DNHD1: variants seen among roughly 807,000 people sequenced by gnomAD.
DNHD1 encodes the protein dynein heavy chain domain-containing protein 1.
A neutral mutation model predicts 458.1 loss-of-function variants in DNHD1; 383 were observed. The ratio of observed to expected loss-of-function variants is 0.84; its 90% CI spans 0.77 to 0.91. The LOEUF is 0.91. Among genes scored for constraint, DNHD1 ranks in the 40% least tolerant of loss-of-function variants. The pLI, the probability that DNHD1 is intolerant of heterozygous loss-of-function variation, is 0.00. For missense variants in DNHD1, 5,336 were observed against 5,866.1 expected (o/e 0.91, Z 2.95); for synonymous variants, 2,203 against 2,376.9 (o/e 0.93, Z 2.13).
intron 39 of DNHD1, 101 bp downstream of exon 39, chr11:6,568,967 C>G (rs1853773551): frequency 7.4e-7 from 1 of 1,360,268 alleles, no homozygotes; most frequent in African/African-American, 1.5e-5. Context: ...TTTGGAAGCT[C>G]CAAAGAGCAA....
rs980380276 is a variant in DNHD1 at position 6,563,434 on chromosome 11, A to T, written c.9722A>T (p.Glu3241Val). The T allele has an allele frequency of 6.4e-7, 1 of 1,551,588 alleles. No individual in the cohort carries two copies. Among genetic ancestry groups the T allele is most frequent in the Non-Finnish European group, 8.7e-7 (1 of 1,146,984 alleles). ...PLSQLQVADF[E>V]EIRSYRAPPE... Reference sequence around the variant, plus strand: ...AGCCAGCTGCAGGTGGCTGACTTTGAGGAGATACGGAGCTATCGAGCACCA... The same window carrying T: ...AGCCAGCTGCAGGTGGCTGACTTTGTGGAGATACGGAGCTATCGAGCACCA... Residue 3241 changes from glutamate (E) to valine (V), a missense_variant, in exon 30 of 43, where the codon GAG (glutamate) becomes GTG (valine). Around this residue, in one of 4 missense-constraint regions of DNHD1, gnomAD observed 3,932 missense variants for 4,365.6 expected, o/e 0.90. Coordinates refer to ENST00000254579, the MANE Select transcript of DNHD1 (RefSeq NM_144666.3).
In DNHD1 at chr11:6,571,793, C is replaced by T; in HGVS notation, c.14069C>T (p.Ala4690Val). The T allele has an allele frequency of 6.2e-7, 1 of 1,614,002 alleles. No individual in the cohort carries two copies. The highest frequency in any genetic ancestry group is 8.5e-7 in the Non-Finnish European group (1 of 1,179,894). ...CCTCCCGTCAGCATCAGCACACAGG[C>T]CCCGGGCACCAGTGACCTGCCAGCC... ...PLPPVSISTQ[A>V]PGTSDLPAPA... The change falls in exon 43 of 43, where the codon GCC becomes GTC. Residue 4690 changes from alanine (A) to valine (V), a missense_variant. Physicochemically the swap from Ala to Val is moderately conservative, Grantham distance 64. Transcript: ENST00000254579. The surrounding 1 kb of genome is among the most constrained non-coding windows in gnomAD (Gnocchi z 5.0).
chr11:6,548,309 A>G lies in DNHD1; in HGVS notation c.7005A>G (p.Val2335=). ...CAGCCTTGGTGTTTGATCTACATGT[A>G]AGCCCTGAAGATGGAACACTGGTCC... ...PPSALVFDLH[V]SPEDGTLVPF... The change falls in exon 23 of 43, where the codon GTA becomes GTG. Residue 2335 remains valine, a synonymous_variant. Transcript: ENST00000254579. The surrounding 1 kb of genome is among the most constrained non-coding windows in gnomAD (Gnocchi z 4.4). 6.4e-7 allele frequency: 1 copy of G among 1,551,642 alleles called. No homozygotes were observed. Among genetic ancestry groups the G allele is most frequent in the Non-Finnish European group, 8.7e-7 (1 of 1,146,980 alleles).
At position 6,568,552 on chromosome 11, in the gene DNHD1, G is replaced by A; in HGVS notation, c.12637G>A (p.Ala4213Thr). 6.2e-7 allele frequency: 1 copy of A among 1,613,972 alleles called. No homozygotes were observed. Among genetic ancestry groups the A allele is most frequent in the Non-Finnish European group, 8.5e-7 (1 of 1,179,900 alleles). ...TTTTCGTCTTTGGCTTATTGTGCCT[G>A]CAGAGTCTAGTGCTTCTTTGCCAGG... Reference protein sequence around the residue: ...RDFRLWLIVPAESSASLPAVL... With the variant: ...RDFRLWLIVPTESSASLPAVL... Residue 4213 changes from alanine to threonine, a missense_variant, in exon 38 of 43, where the codon GCA (alanine) becomes ACA (threonine). Physicochemically the swap from Ala to Thr is moderately conservative, Grantham distance 58. Transcript: ENST00000254579.
Position 6,556,930 on chromosome 11 carries a change from T to C in DNHD1, c.7635T>C (p.Ala2545=). 1 of 1,551,728 alleles carries C rather than the reference T, an allele frequency of 6.4e-7. No individual in the cohort carries two copies. Among genetic ancestry groups the C allele is most frequent in the South Asian group, 1.2e-5 (1 of 84,058 alleles). ...AAAGACATGTGCCTATCATTCAGGC[T>C]TGGCTTGAGCGTTTCCCTTCTGTGG... ...LLERHVPIIQ[A]WLERFPSVER... The change falls in exon 25 of 43, where the codon GCT becomes GCC. Residue 2545 remains alanine (A), a synonymous_variant. Coordinates refer to ENST00000254579, the MANE Select transcript of DNHD1 (RefSeq NM_144666.3).
chr11:6,566,619 G>T lies in DNHD1; in HGVS notation c.11239G>T (p.Val3747Leu). The change falls in exon 35 of 43, where the codon GTG becomes TTG. Residue 3747 changes from valine to leucine, a missense_variant. Val to Leu is a conservative substitution (Grantham distance 32). Around this residue, in one of 4 missense-constraint regions of DNHD1, gnomAD observed 695 missense variants for 804.2 expected, o/e 0.86. Transcript: ENST00000254579. ...LGCELLKGLN[V>L]LDLGLNMEIL... ...TTGTGAACTGCTAAAGGGGCTGAAT[G>T]TGTTGGATCTGGGCCTGAACATGGA... The T allele has an allele frequency of 6.2e-7, 1 of 1,613,886 alleles. No homozygotes were observed. The highest frequency in any genetic ancestry group is 8.5e-7 in the Non-Finnish European group (1 of 1,179,854).
rs558634199 is a variant in DNHD1 at position 6,537,024 on chromosome 11, A to G, written c.2999-1359A>G. ...CAAAATGGATGATGTGCACATGTGT[A>G]AGATGCATGAGGCCCAGCATTTGGG... On this transcript the variant is annotated intron_variant, in intron 14 of 42. Transcript: ENST00000254579. Among the ~76,000 whole-genome samples, 4 of 152,340 alleles carry G rather than the reference A, an allele frequency of 2.6e-5. No individual in the cohort carries two copies. The South Asian group carries it at 6.2e-4, about 24-fold the overall frequency.
intron 10 of DNHD1, chr11:6,520,997 G>C: frequency 2.3e-6 from 1 of 431,808 alleles, no homozygotes; most frequent in Non-Finnish European, 3.1e-6. Context: ...AAAGGAACCT[G>C]TGTCTTTTAC....
At chr11:6,539,429 C>A in intron 17 of DNHD1, 116 bp downstream of exon 17, 1 of 781,824 alleles carries the variant, frequency 1.3e-6, no homozygotes, top group Non-Finnish European at 2.1e-6. Flanking sequence ...AGCCTGCTAA[C>A]CTGCCTGAAG....
chr11:6,532,665 C>T (rs1852850622), intron 12 of DNHD1, among the ~76,000 whole-genome samples: 1 of 152,176 alleles, frequency 6.6e-6, no homozygotes, highest in Admixed American at 6.5e-5. Flanking sequence ...CCAGCCTTCT[C>T]AGGATACCCC....
At position 6,557,050 on chromosome 11, in the gene DNHD1, A is replaced by G. The variant is rs1276406776; in HGVS notation, c.7755A>G (p.Pro2585=). 6.4e-7 allele frequency: 1 copy of G among 1,551,322 alleles called. No homozygotes were observed. The highest frequency in any genetic ancestry group is 8.7e-7 in the Non-Finnish European group (1 of 1,146,954). The change falls in exon 25 of 43, where the codon CCA becomes CCG. Residue 2585 remains proline, a synonymous_variant. Coordinates refer to ENST00000254579, the MANE Select transcript of DNHD1 (RefSeq NM_144666.3). ...CNCFMPSPLH[P]HYHFSLHSVS... ...GCTTCATGCCTTCACCCCTCCACCC[A>G]CACTACCACTTCTCCCTACACTCTG... is the stretch of plus-strand genomic sequence containing the variant.
intron 17 of DNHD1, 55 bp from the exon 18 acceptor site, chr11:6,539,821 A>G (rs1853054742): frequency 2.7e-6 from 4 of 1,504,250 alleles, no homozygotes; most frequent in Non-Finnish European, 3.6e-6. Flanking sequence ...CTCGGCTCCA[A>G]GCCTGTCCCC....
chr11:6,569,936 C>A, intron 39 of DNHD1, 73 bp from the exon 40 acceptor site: 1 of 1,352,924 alleles, frequency 7.4e-7, no homozygotes, highest in Non-Finnish European at 1.0e-6. Context: ...GAGGTTTGAA[C>A]TGAAGACAAG....
chr11:6,532,506 C>T (rs1342825553), intron 12 of DNHD1, among the ~76,000 whole-genome samples: 1 of 152,178 alleles, frequency 6.6e-6, no homozygotes, highest in African/African-American at 2.4e-5. Flanking sequence ...AGTAAGACTC[C>T]AAAACCAGAA....
At chr11:6,510,234 C>T (rs541453089) in intron 6 of DNHD1, among the ~76,000 whole-genome samples, 1 of 151,968 alleles carries the variant, frequency 6.6e-6, no homozygotes, top group South Asian at 2.1e-4. Flanking sequence ...CAGGCATGCA[C>T]CACCACACCC....
chr11:6,542,657 C>A (rs975800117), intron 18 of DNHD1, among the ~76,000 whole-genome samples: 4 of 152,182 alleles, frequency 2.6e-5, no homozygotes, highest in African/African-American at 9.7e-5. Context: ...CTGGTGACTT[C>A]GTTCACCCAA....
Position 6,534,074 on chromosome 11 carries a change from C to G in DNHD1, c.2899C>G (p.Gln967Glu). Residue 967 changes from glutamine (Q) to glutamate (E), a missense_variant, in exon 14 of 43, where the codon CAG (glutamine) becomes GAG (glutamate). By Grantham distance (29) the Gln-to-Glu change is conservative. Transcript: ENST00000254579. ...TCCCTTTATGGACCCCACACAAGAT[C>G]AGAGGAGTACTGAGCACCAGCTCGT... ...SGPFMDPTQD[Q>E]RSTEHQLVSL... 2 of 1,551,560 alleles carry G rather than the reference C, an allele frequency of 1.3e-6. No homozygotes were observed. The highest frequency in any genetic ancestry group is 1.7e-6 in the Non-Finnish European group (2 of 1,146,966).
chr11:6,557,445 G>A lies in DNHD1; in HGVS notation c.8150G>A (p.Trp2717Ter). ...EVESEGELAQ[W>*]EDFSNSNSET... ...GAATCTGAAGGGGAGTTGGCCCAGTGGGAGGACTTCAGCAACAGCAATAGT... is the reference window on the plus strand; with the variant it reads ...GAATCTGAAGGGGAGTTGGCCCAGTAGGAGGACTTCAGCAACAGCAATAGT... Residue 2717 changes from tryptophan (W) to a stop codon, truncating the protein, a stop_gained, in exon 25 of 43, where the codon TGG becomes TAG. Transcript: ENST00000254579. LOFTEE classifies it high-confidence loss of function. 2 of 1,551,564 alleles carry A rather than the reference G, an allele frequency of 1.3e-6. No homozygotes were observed. Among genetic ancestry groups the A allele is most frequent in the Non-Finnish European group, 1.7e-6 (2 of 1,147,054 alleles).
Position 6,519,635 on chromosome 11 carries a change from A to C in DNHD1, c.1428A>C (p.Leu476=). 1 of 1,614,184 alleles carries C rather than the reference A, an allele frequency of 6.2e-7. No individual in the cohort carries two copies. Among genetic ancestry groups the C allele is most frequent in the Non-Finnish European group, 8.5e-7 (1 of 1,180,032 alleles). ...ACACATACCACATGCAACAGTGCCTACAGGAGCGAGTACAAAACTGTGACA... is the reference window on the plus strand; with the variant it reads ...ACACATACCACATGCAACAGTGCCTCCAGGAGCGAGTACAAAACTGTGACA... ...HEDTYHMQQC[L]QERVQNCDRI... Residue 476 remains leucine (L), a synonymous_variant, in exon 8 of 43, where the codon CTA becomes CTC. Transcript: ENST00000254579.
Sources: gnomAD v4.1 joint callset for allele counts (sites outside exome capture counted in the v4.1 genomes callset) on GRCh38, gnomAD v4.1.1 for gene constraint, gnomAD v4.1.1 regional missense constraint, Gnocchi (gnomAD v3.1) non-coding constraint, MANE v1.5 for transcripts, NCBI Gene and HGNC (gene_info 2026-07-23, HGNC 2026-07-21) for gene names.